FBN1: variants seen among roughly 807,000 people sequenced by gnomAD.
FBN1 encodes the protein fibrillin 1.
In FBN1, 29 loss-of-function variants were observed where a neutral mutation model predicts 365.1. The observed-to-expected ratio is 0.08, with a 90% CI of 0.06 to 0.11. The LOEUF (loss-of-function observed/expected upper bound fraction) is 0.11, where lower values mean the gene tolerates loss of function less well. Among genes scored for constraint, FBN1 ranks in the 10% least tolerant of loss-of-function variants. The pLI, the probability that FBN1 is intolerant of heterozygous loss-of-function variation, is 1.00. For synonymous variants in FBN1, 1,210 were observed against 1,270.5 expected, an observed-to-expected ratio of 0.95 and a Z score of 1.01; for missense variants, 2,476 against 3,703.2, an observed-to-expected ratio of 0.67 and a Z score of 8.60.
chr15:48,572,025 T>C (rs1032575377), intron 6 of FBN1, among the ~76,000 whole-genome samples: 1 of 152,184 alleles, frequency 6.6e-6, no homozygotes, highest in Non-Finnish European at 1.5e-5. Context: ...TGTGATTATA[T>C]TAGTATGGTA....
intron 45 of FBN1, among the ~76,000 whole-genome samples, chr15:48,452,262 A>C (rs1423363617): frequency 6.6e-6 from 1 of 152,040 alleles, no homozygotes; most frequent in Non-Finnish European, 1.5e-5. Context: ...TGTGTGTGTA[A>C]TGTGTGGGGG....
intron 6 of FBN1, among the ~76,000 whole-genome samples, chr15:48,546,382 G>A (rs1327105189): frequency 6.6e-6 from 1 of 152,222 alleles, no homozygotes; most frequent in Admixed American, 6.5e-5. Context: ...TTGAGGAGGT[G>A]ACATTTAAAC....
chr15:48,505,853 G>GT (rs1326264225), intron 15 of FBN1, among the ~76,000 whole-genome samples: 1 of 152,274 alleles, frequency 6.6e-6, no homozygotes, highest in Non-Finnish European at 1.5e-5. Flanking sequence ...ATAGCAGAGG[G>GT]TTTTTTCCCC....
At chr15:48,441,513 T>A (rs563631414) in intron 50 of FBN1, among the ~76,000 whole-genome samples, 4 of 152,308 alleles carry the variant, frequency 2.6e-5, no homozygotes, top group Admixed American at 2.6e-4. Context: ...AGTACAATTG[T>A]ATAAGCAACC....
At chr15:48,496,981 A>G (rs1597570047) in intron 19 of FBN1, among the ~76,000 whole-genome samples, 1 of 152,228 alleles carries the variant, frequency 6.6e-6, no homozygotes, top group African/African-American at 2.4e-5. Flanking sequence ...TCTGCATCTT[A>G]TATCTAAGGA....
In FBN1 at chr15:48,410,914, T is replaced by C; in HGVS notation, c.*76A>G. On this transcript the variant is annotated 3_prime_UTR_variant, in exon 66 of 66. Coordinates refer to ENST00000316623, the MANE Select transcript of FBN1 (RefSeq NM_000138.5). ...AAAGATTGTACCTATGATATGATGA[T>C]TCTGATTGGGGGAAAATATAGTTCT... is the stretch of plus-strand genomic sequence containing the variant. 2 of 1,351,588 alleles carry C rather than the reference T, an allele frequency of 1.5e-6. No homozygotes were observed. Among genetic ancestry groups the C allele is most frequent in the Non-Finnish European group, 2.1e-6 (2 of 964,286 alleles). 83.7% of individuals were successfully genotyped at this position (1,351,588 alleles called of 1,614,324 possible). A position where few individuals can be genotyped will look rare whatever the true frequency, so the allele number is the denominator to read the frequency against.
intron 43 of FBN1, among the ~76,000 whole-genome samples, chr15:48,458,022 G>A (rs2043253778): frequency 6.6e-6 from 1 of 152,106 alleles, no homozygotes; most frequent in Non-Finnish European, 1.5e-5. Context: ...ATCCTGGAGG[G>A]CCCTTCCATC....
chr15:48,490,973 A>G (rs1327221174), intron 24 of FBN1, among the ~76,000 whole-genome samples: 1 of 152,234 alleles, frequency 6.6e-6, no homozygotes, highest in Non-Finnish European at 1.5e-5. Context: ...TTAACAATAT[A>G]TCTAACTCCC....
chr15:48,601,244 C>T (rs967705240), intron 4 of FBN1, among the ~76,000 whole-genome samples: 1 of 152,228 alleles, frequency 6.6e-6, no homozygotes, highest in Non-Finnish European at 1.5e-5. Context: ...GCAATGACAA[C>T]AGCGCAGGCA....
At chr15:48,435,049 G>A (rs1047312798) in intron 53 of FBN1, among the ~76,000 whole-genome samples, 2 of 152,120 alleles carry the variant, frequency 1.3e-5, no homozygotes, top group African/African-American at 2.4e-5. Flanking sequence ...TGCCCACCTC[G>A]GCATCCCAAA....
intron 63 of FBN1, 61 bp downstream of exon 63, chr15:48,420,626 A>AAAC (rs756444027): frequency 6.0e-5 from 96 of 1,602,202 alleles, no homozygotes; most frequent in Non-Finnish European, 7.9e-5. Context: ...GAAAGCAAGC[A>AAAC]GTGTTTTGCT....
chr15:48,575,712 A>C (rs575009227), intron 6 of FBN1, among the ~76,000 whole-genome samples: 3 of 152,182 alleles, frequency 2.0e-5, no homozygotes, highest in Non-Finnish European at 2.9e-5. Flanking sequence ...GCCTGTACTC[A>C]TATTTTTATC....
chr15:48,619,076 C>G (rs1225174841), intron 2 of FBN1, among the ~76,000 whole-genome samples: 1 of 152,072 alleles, frequency 6.6e-6, no homozygotes, highest in Admixed American at 6.5e-5. Context: ...GAAACCATCC[C>G]CCCATCCCCC....
chr15:48,457,211 C>T (rs2043247246), intron 43 of FBN1, among the ~76,000 whole-genome samples: 1 of 152,076 alleles, frequency 6.6e-6, no homozygotes, highest in Non-Finnish European at 1.5e-5. Context: ...CAGTTTAACT[C>T]CCCCTTCCTA....
At chr15:48,414,744 AAAT>A (rs1416787422) in intron 64 of FBN1, among the ~76,000 whole-genome samples, 2 of 152,056 alleles carry the variant, frequency 1.3e-5, no homozygotes, top group African/African-American at 4.8e-5. Context: ...AAAATACAAA[AAAT>A]TAGCCGGGCG....
chr15:48,536,143 A>G (rs928928758), intron 7 of FBN1, among the ~76,000 whole-genome samples: 1 of 152,152 alleles, frequency 6.6e-6, no homozygotes, highest in Non-Finnish European at 1.5e-5. Flanking sequence ...AACAACAACA[A>G]CCAAACATGA....
At chr15:48,615,849 A>G (rs1889640935) in intron 2 of FBN1, among the ~76,000 whole-genome samples, 1 of 152,242 alleles carries the variant, frequency 6.6e-6, no homozygotes, top group African/African-American at 2.4e-5. Context: ...ATCTAGATAC[A>G]GAGGTACAAA....
intron 53 of FBN1, among the ~76,000 whole-genome samples, chr15:48,435,341 CT>C (rs1313527385): frequency 6.6e-6 from 1 of 151,660 alleles, no homozygotes; most frequent in African/African-American, 2.4e-5. Context: ...AAAAAGGCCC[CT>C]ATCACTCGTC....
At chr15:48,607,528 A>T (rs189784398) in intron 4 of FBN1, among the ~76,000 whole-genome samples, 61 of 59,610 alleles carry the variant, frequency 1.0e-3, no homozygotes, top group African/African-American at 2.8e-3. Flanking sequence ...GTATCCTTAT[A>T]AAAAAAAAAG....
Sources: allele counts gnomAD v4.1 joint callset (sites outside exome capture counted in the v4.1 genomes callset), GRCh38; gene constraint gnomAD v4.1.1; transcripts MANE v1.5; gene names NCBI Gene and HGNC (gene_info 2026-07-23, HGNC 2026-07-21).